Variants in C2CD2 observed in about 807,000 individuals in gnomAD.
C2CD2 encodes the protein C2 calcium dependent domain containing 2.
Under a neutral mutation model 74.3 loss-of-function variants are expected in C2CD2, and 43 were observed. That is an observed-to-expected ratio of 0.58 (90% CI 0.45 to 0.75). The LOEUF is 0.75. Ranked by LOEUF, C2CD2 falls within the 30% of genes least tolerant of loss-of-function variation. The pLI, the probability that C2CD2 is intolerant of heterozygous loss-of-function variation, is 0.00. For missense variants in C2CD2, 801 were observed against 916.3 expected (o/e 0.87, Z 1.63); for synonymous variants, 422 against 390.7 (o/e 1.08, Z -0.94).
chr21:41,933,702 T>C (rs1030963470), intron 2 of C2CD2, among the ~76,000 whole-genome samples: 5 of 152,206 alleles, frequency 3.3e-5, no homozygotes, highest in Non-Finnish European at 7.3e-5. Flanking sequence ...GACTTCCTCC[T>C]TGTGGGTATG....
intron 1 of C2CD2, among the ~76,000 whole-genome samples, chr21:41,946,554 C>T (rs1265833494): frequency 6.6e-6 from 1 of 152,166 alleles, no homozygotes. Context: ...TTCCTGAGGC[C>T]TCCGCAGAAG....
chr21:41,907,721 C>T lies in C2CD2; in HGVS notation c.1082G>A (p.Ser361Asn), dbSNP rs2064980496. ...LFKKQPSGPQ[S>N]FTLTSGSACG... ...GGCAGACCCGCTGGTCAGCGTGAAG[C>T]TCTGTGGCCCAGAAGGCTGCTTCTT... The change falls in exon 9 of 14, where the codon AGC becomes AAC. Residue 361 changes from serine to asparagine, a missense_variant. Transcript: ENST00000380486. 2.5e-6 allele frequency: 4 copies of T among 1,613,382 alleles called. No individual in the cohort carries two copies. Among genetic ancestry groups the T allele is most frequent in the Middle Eastern group, 1.8e-4 (1 of 5,570 alleles).
chr21:41,953,098 G>A (rs914500630), intron 1 of C2CD2: 23 of 372,968 alleles, frequency 6.2e-5, no homozygotes, highest in Non-Finnish European at 1.0e-4. Flanking sequence ...GAGCACTTCT[G>A]ACGGTCCCTC....
intron 7 of C2CD2, among the ~76,000 whole-genome samples, chr21:41,910,474 T>G (rs1018470572): frequency 6.6e-6 from 1 of 152,182 alleles, no homozygotes; most frequent in African/African-American, 2.4e-5. Context: ...CAGTGACACC[T>G]CCAATGCCAT....
rs780980204 is a variant in C2CD2 at position 41,905,726 on chromosome 21, G to A, written c.1430C>T (p.Thr477Ile). ...PVSKTLSSSD[T>I]ELLVLNGSDP... The stretch of plus-strand genomic sequence containing the variant: ...CGACGTGGGCGTGTCTCAGTTACCT[G>A]TGTCTGAAGAAGAGAGTGTTTTGCT... The change falls in exon 11 of 14, where the codon ACA becomes ATA. Residue 477 changes from threonine to isoleucine, a missense_variant and splice_region_variant. Coordinates refer to ENST00000380486, the MANE Select transcript of C2CD2 (RefSeq NM_015500.2). 1 of 1,564,272 alleles carries A rather than the reference G, an allele frequency of 6.4e-7. No individual in the cohort carries two copies. The highest frequency in any genetic ancestry group is 1.7e-5 in the Admixed American group (1 of 59,566).
rs925727223 is a variant in C2CD2 at position 41,903,236 on chromosome 21, TAA to T, written c.1433-1489_1433-1488del. On this transcript the variant is annotated intron_variant, in intron 11 of 13. Transcript: ENST00000380486. The surrounding 1 kb of genome is among the most constrained non-coding windows in gnomAD (Gnocchi z 4.5). ...GTGATAATAAACTGGTAAACCCAAG[TAA>T]AGTGTTTCTCTGAGTTCTGTGAGCC... Among the ~76,000 whole-genome samples the T allele has an allele frequency of 6.6e-6, 1 of 152,072 alleles. No individual in the cohort carries two copies. The highest frequency in any genetic ancestry group is 1.5e-5 in the Non-Finnish European group (1 of 68,016).
In C2CD2 at chr21:41,899,372, G is replaced by T; in HGVS notation, c.1561-10C>A. 1.2e-6 allele frequency: 2 copies of T among 1,601,446 alleles called. No homozygotes were observed. Among genetic ancestry groups the T allele is most frequent in the Non-Finnish European group, 1.7e-6 (2 of 1,179,296 alleles). On this transcript the variant is annotated splice_polypyrimidine_tract_variant and intron_variant, in intron 12 of 13. Coordinates refer to ENST00000380486, the MANE Select transcript of C2CD2 (RefSeq NM_015500.2). The surrounding 1 kb of genome is among the most constrained non-coding windows in gnomAD (Gnocchi z 4.4). ...CCTGAGATAGTGAGGTCTGTCAGGG[G>T]CAGTGGGGAAGATGACAAGGGATAC...
chr21:41,907,029 A>G lies in C2CD2; in HGVS notation c.1281T>C (p.Pro427=). ...VTTVTAVKTK[P]RVDVGRASPL... ...GGGACGCCCTCCCCACGTCGACGCGAGGCTTGGTCTTCACAGCAGTGACAG... is the reference window on the plus strand; with the variant it reads ...GGGACGCCCTCCCCACGTCGACGCGGGGCTTGGTCTTCACAGCAGTGACAG... Residue 427 remains proline (P), a synonymous_variant, in exon 10 of 14, where the codon CCT becomes CCC. Transcript: ENST00000380486. 1 of 1,614,078 alleles carries G rather than the reference A, an allele frequency of 6.2e-7. No individual in the cohort carries two copies. Among genetic ancestry groups the G allele is most frequent in the Non-Finnish European group, 8.5e-7 (1 of 1,180,000 alleles).
At chr21:41,925,962 G>C (rs2065206629) in intron 2 of C2CD2, among the ~76,000 whole-genome samples, 2 of 152,220 alleles carry the variant, frequency 1.3e-5, no homozygotes, top group African/African-American at 2.4e-5. Context: ...GCTCTTCGGG[G>C]AATTCCAGTT....
At chr21:41,938,922 T>G (rs1236454824) in intron 2 of C2CD2, among the ~76,000 whole-genome samples, 1 of 151,986 alleles carries the variant, frequency 6.6e-6, no homozygotes, top group East Asian at 1.9e-4. Context: ...TTTTGTATAT[T>G]TAGTAGAGAT....
chr21:41,953,244 C>G, intron 1 of C2CD2, 126 bp downstream of exon 1: 2 of 515,612 alleles, frequency 3.9e-6, no homozygotes, highest in Non-Finnish European at 6.4e-6. Context: ...CGAGGATGGT[C>G]TGCGCTGGGG....
In C2CD2 at chr21:41,889,330, T is replaced by G; in HGVS notation, c.1885A>C (p.Lys629Gln). 1 of 1,613,354 alleles carries G rather than the reference T, an allele frequency of 6.2e-7. No homozygotes were observed. The highest frequency in any genetic ancestry group is 8.5e-7 in the Non-Finnish European group (1 of 1,179,520). Residue 629 changes from lysine (K) to glutamine (Q), a missense_variant, in exon 14 of 14, where the codon AAA becomes CAA. By Grantham distance (53) the Lys-to-Gln change is moderately conservative. Coordinates refer to ENST00000380486, the MANE Select transcript of C2CD2 (RefSeq NM_015500.2). ...CGGCGGAAGAACAGCTTTGCACCTT[T>G]CCTTAGAATTCCTCCTGGAAGAGGG... ...AKKHKGGILRKGAKLFFRRRH... is the reference protein window; with the variant it reads ...AKKHKGGILRQGAKLFFRRRH...
At position 41,885,239 on chromosome 21, in the gene C2CD2, A is replaced by G. The variant is rs2064670358; in HGVS notation, c.*3885T>C. 2 of 152,174 alleles carry G rather than the reference A, an allele frequency of 1.3e-5. No homozygotes were observed. Among genetic ancestry groups the G allele is most frequent in the African/African-American group, 2.4e-5 (1 of 41,414 alleles). 9.4% of individuals were successfully genotyped at this position (152,174 alleles called of 1,614,324 possible). On this transcript the variant is annotated 3_prime_UTR_variant, in exon 14 of 14. Coordinates refer to ENST00000380486, the MANE Select transcript of C2CD2 (RefSeq NM_015500.2). Reference sequence around the variant, plus strand: ...GGCTGTCTTCGGCGTTTAAAGTGCTACTGAGGAATACAATCATTGTCACGT... The same window carrying G: ...GGCTGTCTTCGGCGTTTAAAGTGCTGCTGAGGAATACAATCATTGTCACGT...
Position 41,926,356 on chromosome 21 carries a change from C to T in C2CD2, c.379-4271G>A. The stretch of plus-strand genomic sequence containing the variant: ...GTGTTTTTCGGAGTGGGGGGCTATT[C>T]ACGGTAAGTCAGGGTCTCCACATGG... On this transcript the variant is annotated intron_variant, in intron 2 of 13. Coordinates refer to ENST00000380486, the MANE Select transcript of C2CD2 (RefSeq NM_015500.2). The surrounding 1 kb of genome is among the most constrained non-coding windows in gnomAD (Gnocchi z 8.0). The T allele has an allele frequency of 1.1e-5, 9 of 846,608 alleles. No individual in the cohort carries two copies. Among genetic ancestry groups the T allele is most frequent in the Non-Finnish European group, 1.3e-5 (9 of 703,366 alleles). The allele number at this position is 846,608 out of a possible 1,614,324, so 52.4% of individuals were successfully genotyped here. A position where few individuals can be genotyped will look rare whatever the true frequency, so the allele number is the denominator to read the frequency against.
chr21:41,920,646 C>A (rs527536900), intron 3 of C2CD2, among the ~76,000 whole-genome samples: 1 of 152,232 alleles, frequency 6.6e-6, no homozygotes, highest in Non-Finnish European at 1.5e-5. Context: ...AGCGGGAACG[C>A]CTCCTGCCGC....
chr21:41,908,243 T>TGTGTGTGTG, intron 8 of C2CD2: 1 of 167,382 alleles, frequency 6.0e-6, no homozygotes, highest in Admixed American at 6.6e-5. Context: ...TACCCTCAAG[T>TGTGTGTGTG]TGTGTGTGTG....
intron 1 of C2CD2, among the ~76,000 whole-genome samples, chr21:41,948,143 A>C (rs2065417530): frequency 1.3e-5 from 2 of 152,244 alleles, no homozygotes; most frequent in African/African-American, 4.8e-5. Flanking sequence ...AAAGCACATT[A>C]AACAGCTTGT....
rs576847712 is a variant in C2CD2 at position 41,889,377 on chromosome 21, G to A, written c.1871-33C>T. 6.1e-6 allele frequency: 9 copies of A among 1,478,096 alleles called. No individual in the cohort carries two copies. The Middle Eastern group carries it at 5.6e-4, about 92-fold the overall frequency. 91.6% of individuals were successfully genotyped at this position (1,478,096 alleles called of 1,614,324 possible). Reference sequence around the variant, plus strand: ...AGGGAGGCACAAGGGCTGGTCAAGTGGGCAGGGAATGAGGGGCTGAATGAC... The same window carrying A: ...AGGGAGGCACAAGGGCTGGTCAAGTAGGCAGGGAATGAGGGGCTGAATGAC... On this transcript the variant is annotated intron_variant, in intron 13 of 13. Coordinates refer to ENST00000380486, the MANE Select transcript of C2CD2 (RefSeq NM_015500.2).
At chr21:41,906,309 C>T (rs1402396759) in intron 10 of C2CD2, among the ~76,000 whole-genome samples, 2 of 152,160 alleles carry the variant, frequency 1.3e-5, no homozygotes, top group African/African-American at 4.8e-5. Flanking sequence ...TTGAATTTTT[C>T]AAGAAAAAAG....
Sources: gnomAD v4.1 joint callset for allele counts (sites outside exome capture counted in the v4.1 genomes callset) on GRCh38, gnomAD v4.1.1 for gene constraint, Gnocchi (gnomAD v3.1) non-coding constraint, MANE v1.5 for transcripts, NCBI Gene and HGNC (gene_info 2026-07-23, HGNC 2026-07-21) for gene names.